The following CADM2 variants were observed in gnomAD, a reference collection of about 807,000 sequenced individuals.
CADM2 encodes the protein cell adhesion molecule 2.
A neutral mutation model predicts 49.8 loss-of-function variants in CADM2; 12 were observed. That is an observed-to-expected ratio of 0.24 (90% CI 0.15 to 0.39). The LOEUF is 0.39. Among genes scored for constraint, CADM2 ranks in the 10% least tolerant of loss-of-function variants. The pLI, the probability that CADM2 is intolerant of heterozygous loss-of-function variation, is 1.00. For synonymous variants in CADM2, 214 were observed against 175.4 expected, an observed-to-expected ratio of 1.22 and a Z score of -1.74; for missense variants, 378 against 492.3, an observed-to-expected ratio of 0.77 and a Z score of 2.20.
intron 1 of CADM2, among the ~76,000 whole-genome samples, chr3:85,636,545 G>A (rs879910475): frequency 6.6e-6 from 1 of 150,496 alleles, no homozygotes; most frequent in Non-Finnish European, 1.5e-5. Context: ...AATAAAATTA[G>A]TGTAGCCTCA....
At chr3:85,438,675 T>G (rs970145508) in intron 1 of CADM2, among the ~76,000 whole-genome samples, 12 of 152,056 alleles carry the variant, frequency 7.9e-5, no homozygotes, top group Admixed American at 2.0e-4. Context: ...TTCATTTTCC[T>G]TTTCCTTTCT....
At chr3:85,336,216 A>G (rs1051704884) in intron 1 of CADM2, among the ~76,000 whole-genome samples, 5 of 151,436 alleles carry the variant, frequency 3.3e-5, no homozygotes, top group African/African-American at 1.2e-4. Context: ...GTGGAACCCC[A>G]TGTTTTTTAG....
intron 3 of CADM2, among the ~76,000 whole-genome samples, chr3:85,863,910 C>T (rs953025201): frequency 2.0e-5 from 3 of 151,980 alleles, no homozygotes; most frequent in African/African-American, 7.3e-5. Flanking sequence ...CATTTGAGTC[C>T]CAGAGAGAGT....
chr3:85,116,537 G>A (rs1049425425), intron 1 of CADM2, among the ~76,000 whole-genome samples: 1 of 152,090 alleles, frequency 6.6e-6, no homozygotes, highest in Non-Finnish European at 1.5e-5. Context: ...CAAAGTTAGT[G>A]AAAGAATTGA....
intron 1 of CADM2, among the ~76,000 whole-genome samples, chr3:85,329,309 G>A (rs1440652947): frequency 1.3e-5 from 2 of 151,980 alleles, no homozygotes; most frequent in African/African-American, 2.4e-5. Context: ...GGCCGAGGGA[G>A]GAAGATCACG....
At position 85,320,319 on chromosome 3, in the gene CADM2, A is replaced by C. The variant is rs192555948; in HGVS notation, c.61+360651A>C. Among the ~76,000 whole-genome samples, 376 of 152,280 alleles carry C rather than the reference A, an allele frequency of 2.5e-3. 3 individuals are homozygous for C. Among genetic ancestry groups the C allele is most frequent in the Non-Finnish European group, 2.2e-3 (150 of 68,018 alleles). ...AAATACTGATCAAGTCAACTAATTA[A>C]GTTTTTGTTTTCTCTGTTTAGTAGA... On this transcript the variant is annotated intron_variant, in intron 1 of 9. Transcript: ENST00000383699.
At chr3:85,195,155 G>A (rs1293429602) in intron 1 of CADM2, among the ~76,000 whole-genome samples, 1 of 152,086 alleles carries the variant, frequency 6.6e-6, no homozygotes, top group Non-Finnish European at 1.5e-5. Context: ...ATGTCAAGAG[G>A]CAACATGATG....
At chr3:85,307,711 AG>A (rs775956925) in intron 1 of CADM2, among the ~76,000 whole-genome samples, 16 of 151,804 alleles carry the variant, frequency 1.1e-4, no homozygotes, top group Non-Finnish European at 2.4e-4. Context: ...AAGATAAAAT[AG>A]GTCAATTTAA....
intron 1 of CADM2, among the ~76,000 whole-genome samples, chr3:85,434,217 T>C (rs2036822127): frequency 6.6e-6 from 1 of 151,958 alleles, no homozygotes; most frequent in Non-Finnish European, 1.5e-5. Flanking sequence ...TTTAAAGATT[T>C]TCATTAATTA....
At chr3:85,739,997 A>G (rs1323023982) in intron 2 of CADM2, among the ~76,000 whole-genome samples, 3 of 152,188 alleles carry the variant, frequency 2.0e-5, no homozygotes, top group Admixed American at 6.5e-5. Context: ...ATTCAGCTTA[A>G]TCAGTTTTAC....
chr3:85,358,162 C>T (rs116007473), intron 1 of CADM2, among the ~76,000 whole-genome samples: 76 of 152,048 alleles, frequency 5.0e-4, no homozygotes, highest in Non-Finnish European at 7.8e-4. Flanking sequence ...ATGCTGCATC[C>T]CTGGCTTCTA....
At chr3:85,557,492 A>G (rs2061990294) in intron 1 of CADM2, among the ~76,000 whole-genome samples, 2 of 151,606 alleles carry the variant, frequency 1.3e-5, no homozygotes, top group Admixed American at 1.3e-4. Context: ...TTTTTTTGGA[A>G]AAACCAAAGA....
At chr3:85,703,232 C>T (rs1429171430) in intron 1 of CADM2, among the ~76,000 whole-genome samples, 1 of 152,008 alleles carries the variant, frequency 6.6e-6, no homozygotes, top group Non-Finnish European at 1.5e-5. Context: ...TCCCTCAAAC[C>T]CCAAAGAGCT....
intron 1 of CADM2, among the ~76,000 whole-genome samples, chr3:85,694,291 A>G (rs550779030): frequency 3.3e-4 from 50 of 152,350 alleles, no homozygotes; most frequent in Non-Finnish European, 6.5e-4. Context: ...GGAAATTAAG[A>G]TTAAATGAAA....
intron 3 of CADM2, among the ~76,000 whole-genome samples, chr3:85,851,489 G>T (rs989383172): frequency 6.6e-6 from 1 of 151,640 alleles, no homozygotes; most frequent in Non-Finnish European, 1.5e-5. Context: ...ACCAGATTTT[G>T]TATCACTTTT....
intron 1 of CADM2, among the ~76,000 whole-genome samples, chr3:85,686,823 A>T (rs1480924767): frequency 6.6e-6 from 1 of 152,060 alleles, no homozygotes; most frequent in African/African-American, 2.4e-5. Flanking sequence ...GAATGCAACC[A>T]TTTGTCTCAT....
chr3:85,408,010 C>CAA (rs372349246), intron 1 of CADM2, among the ~76,000 whole-genome samples: 13,495 of 56,032 alleles, frequency 0.24, 1,683 homozygotes, highest in East Asian at 0.54. Context: ...AAAACAAAAC[C>CAA]AAAAAAAAAA....
intron 1 of CADM2, among the ~76,000 whole-genome samples, chr3:85,349,666 T>A (rs1250818564): frequency 6.6e-6 from 1 of 152,210 alleles, no homozygotes; most frequent in Non-Finnish European, 1.5e-5. Flanking sequence ...AGACTTACTC[T>A]GCAGATATCA....
chr3:85,161,231 G>GA (rs1342777897), intron 1 of CADM2, among the ~76,000 whole-genome samples: 4 of 152,150 alleles, frequency 2.6e-5, no homozygotes, highest in Admixed American at 2.0e-4. Context: ...TAGAGCTGTG[G>GA]AAAAAAATGT....
Sources: gnomAD v4.1 joint callset for allele counts (sites outside exome capture counted in the v4.1 genomes callset) on GRCh38, gnomAD v4.1.1 for gene constraint, MANE v1.5 for transcripts, NCBI Gene and HGNC (gene_info 2026-07-23, HGNC 2026-07-21) for gene names.